The following SMARCC1 variants were observed in gnomAD, a reference collection of about 807,000 sequenced individuals.
SMARCC1 encodes SWI/SNF complex subunit SMARCC1.
Under a neutral mutation model 147.4 loss-of-function variants are expected in SMARCC1, and 43 were observed. The observed-to-expected ratio is 0.29, with a 90% confidence interval of 0.23 to 0.38. The LOEUF (loss-of-function observed/expected upper bound fraction) is 0.38. Ranked by LOEUF, SMARCC1 falls within the 10% of genes least tolerant of loss-of-function variation. The pLI is 1.00. For synonymous variants in SMARCC1, 495 were observed against 484.4 expected, an observed-to-expected ratio of 1.02 and a Z score of -0.29; for missense variants, 1,119 against 1,381.1, an observed-to-expected ratio of 0.81 and a Z score of 3.01.
At chr3:47,745,863 T>C (rs1408063436) in intron 3 of SMARCC1, 45 bp downstream of exon 3, 2 of 1,187,244 alleles carry the variant, frequency 1.7e-6, no homozygotes, top group African/African-American at 1.6e-5. Context: ...GACTTAAAAG[T>C]AAATAACTTA....
At chr3:47,618,064 A>G (rs2032671840) in intron 25 of SMARCC1, among the ~76,000 whole-genome samples, 1 of 152,144 alleles carries the variant, frequency 6.6e-6, no homozygotes, top group East Asian at 1.9e-4. Context: ...TTCCTGCCAC[A>G]AACAGCTGAC....
intron 8 of SMARCC1, among the ~76,000 whole-genome samples, chr3:47,712,286 G>A (rs2034093219): frequency 6.6e-6 from 1 of 151,268 alleles, no homozygotes; most frequent in Non-Finnish European, 1.5e-5. Context: ...TATAAATAGA[G>A]GCTTAAGCTA....
intron 2 of SMARCC1, among the ~76,000 whole-genome samples, chr3:47,755,269 G>T (rs932202038): frequency 1.3e-5 from 2 of 150,816 alleles, no homozygotes; most frequent in African/African-American, 4.9e-5. Context: ...TTTGGAGGCT[G>T]AGGCGGGCTG....
At chr3:47,668,885 TAA>T (rs751000969) in intron 19 of SMARCC1, among the ~76,000 whole-genome samples, 25 of 136,390 alleles carry the variant, frequency 1.8e-4, no homozygotes, top group Non-Finnish European at 1.8e-4. Context: ...AACCCTGTCT[TAA>T]AAAAAAAAAA....
At chr3:47,778,316 C>T (rs369601069) in intron 1 of SMARCC1, among the ~76,000 whole-genome samples, 97 of 140,502 alleles carry the variant, frequency 6.9e-4, no homozygotes, top group African/African-American at 2.4e-3. Flanking sequence ...TGTTTTGTTT[C>T]GTTTTGTTTT....
rs200109541 is a variant in SMARCC1, at chr3:47,733,494, G to C, written c.576+2540C>G. On this transcript the variant is annotated intron_variant, in intron 5 of 27. Transcript: ENST00000254480. ...AAGAAGGCCGGGCAAGGTGGCTCAT[G>C]ACTGTAATCTCAGCACTTTGGGCAG... Among the ~76,000 whole-genome samples, 45 of 152,238 alleles carry C rather than the reference G, an allele frequency of 3.0e-4. 1 individual carries two copies. The East Asian group carries it at 8.3e-3, about 28-fold the overall frequency.
chr3:47,729,836 G>GT (rs2034347142), intron 5 of SMARCC1, among the ~76,000 whole-genome samples: 1 of 152,150 alleles, frequency 6.6e-6, no homozygotes, highest in Non-Finnish European at 1.5e-5. Context: ...TCAGACCACC[G>GT]TAATAAAGCA....
chr3:47,674,322 T>G (rs899815219), intron 18 of SMARCC1, among the ~76,000 whole-genome samples: 1 of 152,224 alleles, frequency 6.6e-6, no homozygotes, highest in Non-Finnish European at 1.5e-5. Flanking sequence ...ACTTTTCTTA[T>G]ACTGTGTGCT....
At chr3:47,735,059 A>AT (rs927207888) in intron 5 of SMARCC1, among the ~76,000 whole-genome samples, 19 of 149,058 alleles carry the variant, frequency 1.3e-4, no homozygotes, top group South Asian at 2.1e-4. Context: ...CCGGCCTTCA[A>AT]TTTTTTTTTT....
intron 8 of SMARCC1, among the ~76,000 whole-genome samples, chr3:47,713,772 G>A (rs1264624168): frequency 2.0e-5 from 3 of 152,106 alleles, no homozygotes; most frequent in Non-Finnish European, 2.9e-5. Flanking sequence ...GATTAATAAA[G>A]TAAGTCTGTA....
chr3:47,753,660 T>A (rs2034654656), intron 2 of SMARCC1, among the ~76,000 whole-genome samples: 1 of 127,232 alleles, frequency 7.9e-6, no homozygotes, highest in South Asian at 2.3e-4. Flanking sequence ...TGCAGTGAGC[T>A]GAGATTGCGC....
chr3:47,634,433 T>C (rs1046440441), intron 24 of SMARCC1, among the ~76,000 whole-genome samples: 1 of 152,132 alleles, frequency 6.6e-6, no homozygotes, highest in Non-Finnish European at 1.5e-5. Flanking sequence ...GAATTAAAGA[T>C]CATGAAAAAG....
chr3:47,771,876 G>A (rs1262481488), intron 2 of SMARCC1, among the ~76,000 whole-genome samples: 1 of 152,118 alleles, frequency 6.6e-6, no homozygotes, highest in East Asian at 1.9e-4. Context: ...GAGGCTGCGA[G>A]TTCAAGACCA....
intron 26 of SMARCC1, among the ~76,000 whole-genome samples, chr3:47,598,659 G>C (rs557908774): frequency 6.6e-6 from 1 of 151,706 alleles, no homozygotes; most frequent in Non-Finnish European, 1.5e-5. Flanking sequence ...GTGAAACCTC[G>C]TCTCTACTAA....
At chr3:47,696,252 T>C (rs1179507673) in intron 11 of SMARCC1, among the ~76,000 whole-genome samples, 1 of 151,850 alleles carries the variant, frequency 6.6e-6, no homozygotes, top group Admixed American at 6.6e-5. Flanking sequence ...CGGGCGCCTA[T>C]AATCTCAGCT....
chr3:47,591,854 T>C (rs529049439), intron 26 of SMARCC1, among the ~76,000 whole-genome samples: 1 of 152,280 alleles, frequency 6.6e-6, no homozygotes, highest in African/African-American at 2.4e-5. Context: ...GTTTTCTAAT[T>C]AGTGACAGAA....
chr3:47,624,201 G>A lies in SMARCC1; in HGVS notation c.2647-1860C>T, dbSNP rs532185837. ...AGCTACTCGGGAGGCTGAGGCATAA[G>A]AATCGCTTAAAGCCAGGAGGCAGAG... On this transcript the variant is annotated intron_variant, in intron 24 of 27. Coordinates refer to ENST00000254480, the MANE Select transcript of SMARCC1 (RefSeq NM_003074.4). 3.2e-4 allele frequency among the ~76,000 whole-genome samples: 49 copies of A among 152,142 alleles called. No homozygotes were observed. In the South Asian group the frequency reaches 9.6e-3, roughly 30 times the overall value.
rs566275459 is a variant in SMARCC1 at position 47,759,661 on chromosome 3, G to A, written c.315+13156C>T. ...AGAAAAAGAAAAAATTTAGCCAGGCGCAGTGGCTCATGCCTGTAATCCCAG... is the reference window on the plus strand; with the variant it reads ...AGAAAAAGAAAAAATTTAGCCAGGCACAGTGGCTCATGCCTGTAATCCCAG... On this transcript the variant is annotated intron_variant, in intron 2 of 27. Coordinates refer to ENST00000254480, the MANE Select transcript of SMARCC1 (RefSeq NM_003074.4). Among the ~76,000 whole-genome samples the A allele has an allele frequency of 2.0e-4, 30 of 149,934 alleles. No individual in the cohort carries two copies. In the South Asian group the frequency reaches 5.7e-3, roughly 28 times the overall value.
intron 9 of SMARCC1, among the ~76,000 whole-genome samples, chr3:47,707,947 G>A (rs1466684990): frequency 4.0e-5 from 6 of 151,772 alleles, no homozygotes; most frequent in African/African-American, 1.2e-4. Flanking sequence ...CCTTACAACT[G>A]TATTTCCATT....
Sources: allele counts gnomAD v4.1 joint callset (sites outside exome capture counted in the v4.1 genomes callset), GRCh38; gene constraint gnomAD v4.1.1; transcripts MANE v1.5; gene names NCBI Gene and HGNC (gene_info 2026-07-23, HGNC 2026-07-21).